Variants in CEP57 observed in about 807,000 individuals in gnomAD.
The protein encoded by CEP57 is centrosomal protein of 57 kDa.
CEP57 carries 40 observed loss-of-function variants against 68.0 expected under a neutral mutation model. The ratio of observed to expected loss-of-function variants is 0.59; its 90% CI spans 0.46 to 0.77. The LOEUF is 0.77. CEP57 is among the 30% of genes least tolerant of loss of function. CEP57 has a pLI of 0.00. For missense variants in CEP57, 606 were observed against 580.7 expected, an observed-to-expected ratio of 1.04 and a Z score of -0.45; for synonymous variants, 219 against 198.7, an observed-to-expected ratio of 1.10 and a Z score of -0.86.
At chr11:95,803,672 A>T (rs1014560765) in intron 2 of CEP57, among the ~76,000 whole-genome samples, 8 of 150,796 alleles carry the variant, frequency 5.3e-5, no homozygotes, top group African/African-American at 1.9e-4. Context: ...AGGGACTCAA[A>T]CATGGCTAGC....
At chr11:95,825,877 A>G (rs1862721549) in intron 8 of CEP57, 1 of 151,860 alleles carries the variant, frequency 6.6e-6, no homozygotes, top group South Asian at 2.1e-4. Context: ...GGATTCTGTA[A>G]TCCCACTGTA....
chr11:95,821,628 G>A (rs1862520461), intron 6 of CEP57, among the ~76,000 whole-genome samples: 1 of 152,210 alleles, frequency 6.6e-6, no homozygotes, highest in East Asian at 1.9e-4. Context: ...TGGAGATAAT[G>A]TGTTCCACGC....
intron 2 of CEP57, among the ~76,000 whole-genome samples, chr11:95,809,305 G>A (rs1430341841): frequency 1.3e-5 from 2 of 152,052 alleles, no homozygotes; most frequent in Non-Finnish European, 2.9e-5. Context: ...AGAAAAGCAA[G>A]AGCAAACACA....
chr11:95,797,054 A>C (rs981180782), intron 1 of CEP57, among the ~76,000 whole-genome samples: 5 of 152,110 alleles, frequency 3.3e-5, no homozygotes, highest in Non-Finnish European at 7.4e-5. Flanking sequence ...ACATAAATAC[A>C]TAATTGAGTA....
At chr11:95,801,274 TCTGTAATCA>T (rs1302605146) in intron 2 of CEP57, among the ~76,000 whole-genome samples, 1 of 152,122 alleles carries the variant, frequency 6.6e-6, no homozygotes, top group Non-Finnish European at 1.5e-5. Context: ...ATTTTAGTAC[TCTGTAATCA>T]CTAACCTAGA....
At chr11:95,798,426 A>G (rs1274344822) in intron 1 of CEP57, among the ~76,000 whole-genome samples, 2 of 152,208 alleles carry the variant, frequency 1.3e-5, no homozygotes, top group Non-Finnish European at 2.9e-5. Flanking sequence ...GTAAATGTAA[A>G]TCTTCAAAGG....
intron 2 of CEP57, among the ~76,000 whole-genome samples, chr11:95,802,344 T>TC (rs1861618647): frequency 6.7e-6 from 1 of 150,266 alleles, no homozygotes. Context: ...AACCTCTGCC[T>TC]CCCAGGTTCA....
At chr11:95,825,909 C>G (rs893265161) in intron 8 of CEP57, 1 of 152,120 alleles carries the variant, frequency 6.6e-6, no homozygotes, top group Non-Finnish European at 1.5e-5. Context: ...TGAGCCACTG[C>G]GCCCAGCCTG....
At chr11:95,806,910 A>G (rs1285678417) in intron 2 of CEP57, among the ~76,000 whole-genome samples, 1 of 152,218 alleles carries the variant, frequency 6.6e-6, no homozygotes, top group Non-Finnish European at 1.5e-5. Context: ...GAGAACGGAC[A>G]GACTGCCTCT....
intron 10 of CEP57, among the ~76,000 whole-genome samples, chr11:95,830,309 C>G (rs1472767150): frequency 1.3e-5 from 2 of 152,146 alleles, no homozygotes; most frequent in Non-Finnish European, 2.9e-5. Flanking sequence ...CTTTTCAACT[C>G]TAAAACTTTG....
rs141321858 is a variant in CEP57, at chr11:95,801,297, C to T, written c.202+1909C>T. ...ACTCTGTAATCACTAACCTAGAAGC[C>T]TCTTTATTATAAGATACTGTGTCTC... On this transcript the variant is annotated intron_variant, in intron 2 of 10. Transcript: ENST00000325542. Among the ~76,000 whole-genome samples, 73 of 151,996 alleles carry T rather than the reference C, an allele frequency of 4.8e-4. No individual in the cohort carries two copies. The East Asian group carries it at 0.013, about 27-fold the overall frequency.
At position 95,821,901 on chromosome 11, in the gene CEP57, A is replaced by G. The variant is rs1249043769; in HGVS notation, c.730A>G (p.Ile244Val). Residue 244 changes from isoleucine to valine, a missense_variant, in exon 7 of 11, where the codon ATC (isoleucine) becomes GTC (valine). Physicochemically the swap from Ile to Val is conservative, Grantham distance 29. Coordinates refer to ENST00000325542, the MANE Select transcript of CEP57 (RefSeq NM_014679.5). The part of the protein sequence containing the change: ...LQTGLETNRL[I>V]FEDKATPCVP... Reference sequence around the variant, plus strand: ...GACTGGTCTAGAAACAAATAGACTTATCTTTGAAGATAAGGCAACTCCGTG... The same window carrying G: ...GACTGGTCTAGAAACAAATAGACTTGTCTTTGAAGATAAGGCAACTCCGTG... 1 of 1,612,380 alleles carries G rather than the reference A, an allele frequency of 6.2e-7. No homozygotes were observed. Among genetic ancestry groups the G allele is most frequent in the Non-Finnish European group, 8.5e-7 (1 of 1,179,408 alleles).
intron 4 of CEP57, chr11:95,815,339 C>T (rs1181724296): frequency 6.6e-6 from 1 of 152,142 alleles, no homozygotes; most frequent in African/African-American, 2.4e-5. Context: ...GGTCTTTTTC[C>T]ATCCACTTAG....
intron 2 of CEP57, among the ~76,000 whole-genome samples, chr11:95,811,379 A>G (rs554393857): frequency 2.2e-5 from 3 of 138,772 alleles, no homozygotes; most frequent in South Asian, 2.5e-4. Flanking sequence ...GAATTGAACA[A>G]TGAGAACACT....
intron 8 of CEP57, 136 bp from the exon 9 acceptor site, chr11:95,827,650 C>T: frequency 3.1e-6 from 3 of 977,890 alleles, no homozygotes; most frequent in Non-Finnish European, 4.6e-6. Flanking sequence ...AGAAGAACAT[C>T]ATGATGAGAA....
chr11:95,794,880 C>T (rs886304039), intron 1 of CEP57, among the ~76,000 whole-genome samples: 2 of 152,052 alleles, frequency 1.3e-5, no homozygotes, highest in South Asian at 2.1e-4. Context: ...TCCAGTGTAA[C>T]GGTTTTACTT....
intron 2 of CEP57, among the ~76,000 whole-genome samples, chr11:95,809,390 T>G (rs1433811636): frequency 1.3e-5 from 2 of 152,150 alleles, no homozygotes; most frequent in Non-Finnish European, 2.9e-5. Flanking sequence ...CAAAAAACCC[T>G]TCAAAAAATC....
chr11:95,795,236 A>G (rs1251292263), intron 1 of CEP57, among the ~76,000 whole-genome samples: 5 of 152,164 alleles, frequency 3.3e-5, no homozygotes, highest in Non-Finnish European at 5.9e-5. Context: ...ATGTTACTCC[A>G]TTTATTTAGA....
rs1234502274 is a variant in CEP57, at chr11:95,829,220, G to T, written c.1161G>T (p.Glu387Asp). The change falls in exon 10 of 11, where the codon GAG (glutamate) becomes GAT (aspartate). Residue 387 changes from glutamate to aspartate, a missense_variant. Physicochemically the swap from Glu to Asp is conservative, Grantham distance 45. Coordinates refer to ENST00000325542, the MANE Select transcript of CEP57 (RefSeq NM_014679.5). ...DHQQLAKLIQ[E>D]SPTVELKDKL... Reference sequence around the variant, plus strand: ...AGCAGCTTGCAAAACTTATCCAGGAGTCGCCAACCGTTGAACTGAAAGACA... The same window carrying T: ...AGCAGCTTGCAAAACTTATCCAGGATTCGCCAACCGTTGAACTGAAAGACA... 1 of 1,613,952 alleles carries T rather than the reference G, an allele frequency of 6.2e-7. No homozygotes were observed.
Sources: allele counts gnomAD v4.1 joint callset (sites outside exome capture counted in the v4.1 genomes callset), GRCh38; gene constraint gnomAD v4.1.1; transcripts MANE v1.5; gene names NCBI Gene and HGNC (gene_info 2026-07-23, HGNC 2026-07-21).